Variants in SHANK2 observed in about 807,000 individuals in gnomAD.
The protein encoded by SHANK2 is SH3 and multiple ankyrin repeat domains protein 2.
A neutral mutation model predicts 133.7 loss-of-function variants in SHANK2; 43 were observed. That is an observed-to-expected ratio of 0.32 (90% CI 0.25 to 0.41). SHANK2 has a LOEUF of 0.41. Ranked by LOEUF, SHANK2 falls within the 10% of genes least tolerant of loss-of-function variation. The pLI is 1.00. For missense variants in SHANK2, 1,994 were observed against 2,235.8 expected (o/e 0.89, Z 2.18); for synonymous variants, 1,017 against 952.8 (o/e 1.07, Z -1.24).
At chr11:71,145,850 A>G (rs756341034) in intron 3 of SHANK2, among the ~76,000 whole-genome samples, 1 of 152,082 alleles carries the variant, frequency 6.6e-6, no homozygotes. Flanking sequence ...TTACCCCCTC[A>G]AGCACCTGCA....
intron 2 of SHANK2, among the ~76,000 whole-genome samples, chr11:71,174,333 A>T (rs996426409): frequency 1.3e-5 from 2 of 152,152 alleles, no homozygotes; most frequent in African/African-American, 4.8e-5. Flanking sequence ...TGAGTCCAAG[A>T]GTTTGAGACC....
At chr11:71,156,054 G>A (rs1301408373) in intron 2 of SHANK2, among the ~76,000 whole-genome samples, 2 of 152,190 alleles carry the variant, frequency 1.3e-5, no homozygotes, top group Non-Finnish European at 2.9e-5. Context: ...ATGATCACAG[G>A]AAGACACAGC....
At chr11:70,554,372 C>G (rs1386092168) in intron 17 of SHANK2, among the ~76,000 whole-genome samples, 1 of 152,222 alleles carries the variant, frequency 6.6e-6, no homozygotes, top group African/African-American at 2.4e-5. Context: ...CTCTTTTCCA[C>G]CTGTTCTGTC....
At chr11:71,234,239 G>A (rs1954794775) in intron 1 of SHANK2, among the ~76,000 whole-genome samples, 1 of 142,594 alleles carries the variant, frequency 7.0e-6, no homozygotes, top group South Asian at 2.3e-4. Context: ...GTGCGTGCCT[G>A]TAATCCCAGC....
In SHANK2 at chr11:70,946,334, GATCAGC is replaced by G. The variant is rs1555085424; in HGVS notation, c.1108-49773_1108-49768del. Among the ~76,000 whole-genome samples the G allele has an allele frequency of 7.8e-5, 11 of 141,888 alleles. 1 individual carries two copies. Among genetic ancestry groups the G allele is most frequent in the South Asian group, 2.3e-4 (1 of 4,350 alleles). 93.1% of individuals were successfully genotyped at this position (141,888 alleles called of 152,430 possible). ...CTCTCCACTAACCAACACTTCCCAG[GATCAGC>G]CTCCCTCTCCACTAACCAACACTTC... is the stretch of plus-strand genomic sequence containing the variant. On this transcript the variant is annotated intron_variant, in intron 10 of 25. Coordinates refer to ENST00000601538, the MANE Select transcript of SHANK2 (RefSeq NM_012309.5).
intron 11 of SHANK2, among the ~76,000 whole-genome samples, chr11:70,857,693 C>A (rs185510173): frequency 6.6e-6 from 1 of 152,150 alleles, no homozygotes; most frequent in Non-Finnish European, 1.5e-5. Flanking sequence ...AGGGGCATCA[C>A]GGAGCACAAG....
At position 70,904,560 on chromosome 11, in the gene SHANK2, T is replaced by C. The variant is rs1213326342; in HGVS notation, c.1108-7993A>G. Among the ~76,000 whole-genome samples, 14 of 147,246 alleles carry C rather than the reference T, an allele frequency of 9.5e-5. 1 individual carries two copies. Among genetic ancestry groups the C allele is most frequent in the Admixed American group, 8.9e-4 (13 of 14,606 alleles). On this transcript the variant is annotated intron_variant, in intron 10 of 25. Coordinates refer to ENST00000601538, the MANE Select transcript of SHANK2 (RefSeq NM_012309.5). ...TCTAACTCTGTCACCCAGGCTGGAG[T>C]GCAGTGGTACAATCTCAGCTCACTG...
At chr11:70,613,289 C>T (rs556674900) in intron 17 of SHANK2, among the ~76,000 whole-genome samples, 10 of 152,122 alleles carry the variant, frequency 6.6e-5, no homozygotes, top group Non-Finnish European at 1.0e-4. Flanking sequence ...CTGCCAGCTC[C>T]GCCTCCCAGG....
At chr11:71,056,169 A>C (rs1038403503) in intron 10 of SHANK2, among the ~76,000 whole-genome samples, 3 of 152,248 alleles carry the variant, frequency 2.0e-5, no homozygotes, top group African/African-American at 7.2e-5. Context: ...CAGAGCCAGC[A>C]TCTCCCAACA....
intron 17 of SHANK2, among the ~76,000 whole-genome samples, chr11:70,623,698 C>T (rs782133292): frequency 5.3e-5 from 8 of 152,196 alleles, no homozygotes; most frequent in South Asian, 2.1e-4. Flanking sequence ...ATATTAAATA[C>T]GTAAAACTAA....
intron 11 of SHANK2, among the ~76,000 whole-genome samples, chr11:70,843,479 G>C (rs1257641000): frequency 3.3e-5 from 5 of 152,014 alleles, no homozygotes; most frequent in Admixed American, 3.3e-4. Context: ...ATGTGAAGCA[G>C]AGTCCTTCAC....
chr11:70,635,932 T>C (rs1565200294), intron 17 of SHANK2, among the ~76,000 whole-genome samples: 3 of 152,240 alleles, frequency 2.0e-5, no homozygotes, highest in African/African-American at 4.8e-5. Flanking sequence ...CCGTAGGGCA[T>C]GAGGCCCGCC....
intron 14 of SHANK2, among the ~76,000 whole-genome samples, chr11:70,732,344 C>A (rs1180357502): frequency 6.6e-6 from 1 of 152,212 alleles, no homozygotes; most frequent in Non-Finnish European, 1.5e-5. Flanking sequence ...TCTGCTCTGG[C>A]CTGAGCCACC....
Position 70,915,496 on chromosome 11 carries a change from C to A in SHANK2, c.1108-18929G>T, listed in dbSNP as rs947421478. Among the ~76,000 whole-genome samples, 4 of 152,154 alleles carry A rather than the reference C, an allele frequency of 2.6e-5. No individual in the cohort carries two copies. In the South Asian group the frequency reaches 6.2e-4, roughly 24 times the overall value. On this transcript the variant is annotated intron_variant, in intron 10 of 25. Transcript: ENST00000601538. The stretch of plus-strand genomic sequence containing the variant: ...AAGTATGGGAAGGGACGGTGCCATC[C>A]CAGGAGTGCCTAACCACTCCCATGG...
intron 14 of SHANK2, among the ~76,000 whole-genome samples, chr11:70,792,350 G>T (rs1378252588): frequency 7.0e-6 from 1 of 143,348 alleles, no homozygotes; most frequent in African/African-American, 2.7e-5. Context: ...CAACCAGCAA[G>T]CCAGCTAGCT....
At chr11:71,220,551 G>A (rs1052812590) in intron 2 of SHANK2, among the ~76,000 whole-genome samples, 2 of 152,170 alleles carry the variant, frequency 1.3e-5, no homozygotes. Context: ...CTGGATGAAC[G>A]CATAAACAAG....
intron 6 of SHANK2, among the ~76,000 whole-genome samples, chr11:71,103,481 G>A (rs1413747486): frequency 2.0e-5 from 3 of 152,164 alleles, no homozygotes; most frequent in Non-Finnish European, 2.9e-5. Flanking sequence ...GAGGCAGCCC[G>A]CCAAAGCCAA....
chr11:70,803,964 T>C (rs1341838545), intron 13 of SHANK2, among the ~76,000 whole-genome samples: 3 of 152,074 alleles, frequency 2.0e-5, no homozygotes, highest in Non-Finnish European at 4.4e-5. Flanking sequence ...CCTTCCCAAA[T>C]GGGACCGAGC....
intron 2 of SHANK2, among the ~76,000 whole-genome samples, chr11:71,196,678 G>C (rs75263076): frequency 6.6e-6 from 1 of 151,710 alleles, no homozygotes; most frequent in Non-Finnish European, 1.5e-5. Flanking sequence ...GGGTCTCCCT[G>C]CATGCCCTCC....
Sources: gnomAD v4.1 joint callset for allele counts (sites outside exome capture counted in the v4.1 genomes callset) on GRCh38, gnomAD v4.1.1 for gene constraint, MANE v1.5 for transcripts, NCBI Gene and HGNC (gene_info 2026-07-23, HGNC 2026-07-21) for gene names.